The following SIK2 variants were observed in gnomAD, a reference collection of about 807,000 sequenced individuals.
SIK2 encodes serine/threonine-protein kinase SIK2.
In SIK2, 29 loss-of-function variants were observed where a neutral mutation model predicts 103.2. The observed-to-expected ratio is 0.28, with a 90% CI of 0.21 to 0.38. The LOEUF is 0.38. SIK2 is among the 10% of genes least tolerant of loss of function. The pLI, the probability that SIK2 is intolerant of heterozygous loss-of-function variation, is 1.00. For synonymous variants in SIK2, 412 were observed against 446.1 expected, an observed-to-expected ratio of 0.92 and a Z score of 0.96; for missense variants, 879 against 1,171.0, an observed-to-expected ratio of 0.75 and a Z score of 3.64.
In SIK2 at chr11:111,703,428, A is replaced by C. The variant is rs1943263335; in HGVS notation, c.948+5A>C. ...GATCAGCAGAAAACCATTGAGGTAA[A>C]GTGATCAGAGATTTCGGGGTTCTAC... is the stretch of plus-strand genomic sequence containing the variant. On this transcript the variant is annotated splice_donor_5th_base_variant and intron_variant, in intron 7 of 14. Transcript: ENST00000304987. 4.3e-6 allele frequency: 7 copies of C among 1,612,988 alleles called. No individual in the cohort carries two copies. Among genetic ancestry groups the C allele is most frequent in the Non-Finnish European group, 5.9e-6 (7 of 1,179,550 alleles).
Position 111,712,341 on chromosome 11 carries a change from C to T in SIK2, c.1232C>T (p.Ala411Val), listed in dbSNP as rs1186781158. ...GCATCTGGCTGTCAGGCGGAAGCTG[C>T]ATTCATGGAAGAAGAGTGTGTGGAC... ...FPASGCQAEA[A>V]FMEEECVDTP... Residue 411 changes from alanine (A) to valine (V), a missense_variant, in exon 9 of 15, where the codon GCA becomes GTA. Physicochemically the swap from Ala to Val is moderately conservative, Grantham distance 64. Coordinates refer to ENST00000304987, the MANE Select transcript of SIK2 (RefSeq NM_015191.3). 6.2e-6 allele frequency: 10 copies of T among 1,614,184 alleles called. No individual in the cohort carries two copies. Among genetic ancestry groups the T allele is most frequent in the Non-Finnish European group, 8.5e-6 (10 of 1,180,028 alleles).
At chr11:111,610,454 G>T (rs1219512066) in intron 1 of SIK2, among the ~76,000 whole-genome samples, 1 of 148,514 alleles carries the variant, frequency 6.7e-6, no homozygotes, top group Non-Finnish European at 1.5e-5. Context: ...TCGCACCACT[G>T]CACTCCAGCA....
At chr11:111,687,653 T>A (rs961247984) in intron 3 of SIK2, among the ~76,000 whole-genome samples, 2 of 146,606 alleles carry the variant, frequency 1.4e-5, no homozygotes, top group African/African-American at 5.0e-5. Context: ...TCGTCCAGGC[T>A]GGAGGGCAGT....
intron 4 of SIK2, among the ~76,000 whole-genome samples, chr11:111,691,004 T>A (rs1295717201): frequency 6.6e-6 from 1 of 152,226 alleles, no homozygotes; most frequent in Non-Finnish European, 1.5e-5. Context: ...TACAAAGTGC[T>A]GTCACTAACA....
At chr11:111,615,687 T>C (rs761730582) in intron 1 of SIK2, among the ~76,000 whole-genome samples, 4 of 152,230 alleles carry the variant, frequency 2.6e-5, no homozygotes, top group Non-Finnish European at 4.4e-5. Context: ...TTAGTGCAGT[T>C]ACTAACATTT....
rs137989117 is a variant in SIK2, at chr11:111,706,074, T to C, written c.1101+935T>C. On this transcript the variant is annotated intron_variant, in intron 8 of 14. Coordinates refer to ENST00000304987, the MANE Select transcript of SIK2 (RefSeq NM_015191.3). ...CCCAATTCTGCCACTTCCTGCTATGTGACATTTTAAGTTTCTTAAGGTCTT... is the reference window on the plus strand; with the variant it reads ...CCCAATTCTGCCACTTCCTGCTATGCGACATTTTAAGTTTCTTAAGGTCTT... Among the ~76,000 whole-genome samples the C allele has an allele frequency of 8.1e-3, 1,234 of 152,334 alleles. 20 individuals are homozygous for C. Among genetic ancestry groups the C allele is most frequent in the African/African-American group, 0.028 (1,173 of 41,578 alleles).
chr11:111,702,835 A>G (rs181911390), intron 6 of SIK2, among the ~76,000 whole-genome samples: 134 of 152,316 alleles, frequency 8.8e-4, no homozygotes, highest in Non-Finnish European at 1.8e-3. Context: ...TAGCCTTAGT[A>G]TATCAGCATT....
intron 3 of SIK2, among the ~76,000 whole-genome samples, chr11:111,686,699 G>A (rs1942851341): frequency 6.6e-6 from 1 of 152,192 alleles, no homozygotes; most frequent in Admixed American, 6.5e-5. Flanking sequence ...GTAATGTTTA[G>A]TTTTATTGAA....
intron 3 of SIK2, among the ~76,000 whole-genome samples, chr11:111,651,352 A>C (rs1478080067): frequency 6.6e-6 from 1 of 152,234 alleles, no homozygotes; most frequent in Non-Finnish European, 1.5e-5. Flanking sequence ...CTTTGCAGCC[A>C]TAACAAGAAT....
intron 1 of SIK2, among the ~76,000 whole-genome samples, chr11:111,607,604 TAACTC>T (rs1414223559): frequency 6.6e-6 from 1 of 152,198 alleles, no homozygotes; most frequent in East Asian, 1.9e-4. Flanking sequence ...TGTTACCAAA[TAACTC>T]AATCGCTAAT....
At chr11:111,711,954 T>G (rs1423537414) in intron 8 of SIK2, among the ~76,000 whole-genome samples, 5 of 152,250 alleles carry the variant, frequency 3.3e-5, no homozygotes, top group African/African-American at 1.2e-4. Flanking sequence ...TCTCGTCACC[T>G]GCGTGAAAGT....
At position 111,729,851 on chromosome 11, in the gene SIK2, CT is replaced by C. The variant is rs1944125218; in HGVS notation, c.*5725del. Reference sequence around the variant, plus strand: ...ACAAAAACCCCGCAGACCCGCCTGCCTTTCAGCGTCCAGTTAACTGCAGAAG... The same window carrying C: ...ACAAAAACCCCGCAGACCCGCCTGCCTTCAGCGTCCAGTTAACTGCAGAAG... On this transcript the variant is annotated 3_prime_UTR_variant, in exon 15 of 15. Transcript: ENST00000304987. The C allele has an allele frequency of 1.3e-5, 2 of 152,274 alleles. No individual in the cohort carries two copies. Among genetic ancestry groups the C allele is most frequent in the African/African-American group, 4.8e-5 (2 of 41,466 alleles). The allele number at this position is 152,274 out of a possible 1,614,324, so 9.4% of individuals were successfully genotyped here.
chr11:111,713,036 A>G lies in SIK2; in HGVS notation c.1266+661A>G, dbSNP rs1035070434. ...AAAAATTAGCCAGGCGTGGTGGTACACACCTGTAATCTGAGCTACTCAGGA... is the reference window on the plus strand; with the variant it reads ...AAAAATTAGCCAGGCGTGGTGGTACGCACCTGTAATCTGAGCTACTCAGGA... On this transcript the variant is annotated intron_variant, in intron 9 of 14. Coordinates refer to ENST00000304987, the MANE Select transcript of SIK2 (RefSeq NM_015191.3). Among the ~76,000 whole-genome samples the G allele has an allele frequency of 7.9e-5, 12 of 152,124 alleles. 1 individual carries two copies. Among genetic ancestry groups the G allele is most frequent in the African/African-American group, 2.7e-4 (11 of 41,422 alleles).
At chr11:111,665,124 T>C (rs565201055) in intron 3 of SIK2, among the ~76,000 whole-genome samples, 1 of 152,208 alleles carries the variant, frequency 6.6e-6, no homozygotes, top group South Asian at 2.1e-4. Flanking sequence ...TTGGTAGGAT[T>C]TGGTGATGTA....
At chr11:111,666,849 A>T (rs758853808) in intron 3 of SIK2, among the ~76,000 whole-genome samples, 1 of 152,206 alleles carries the variant, frequency 6.6e-6, no homozygotes, top group Non-Finnish European at 1.5e-5. Flanking sequence ...GCAGAAAATT[A>T]TATGAAAATA....
intron 1 of SIK2, among the ~76,000 whole-genome samples, chr11:111,612,951 TGA>T (rs1941749707): frequency 6.8e-6 from 1 of 147,686 alleles, no homozygotes; most frequent in Non-Finnish European, 1.5e-5. Context: ...TATATATTTA[TGA>T]TCATAGGATC....
intron 3 of SIK2, chr11:111,672,342 G>T: frequency 2.0e-6 from 1 of 493,488 alleles, no homozygotes; most frequent in Non-Finnish European, 3.3e-6. Flanking sequence ...AGGAGCAGCT[G>T]CTGAAGGCCA....
chr11:111,616,442 T>C, intron 2 of SIK2, 83 bp downstream of exon 2: 1 of 800,558 alleles, frequency 1.2e-6, no homozygotes. Context: ...CTTATATTTG[T>C]TTTTCTAATC....
At chr11:111,674,373 A>C (rs1555031244) in intron 3 of SIK2, among the ~76,000 whole-genome samples, 1 of 152,200 alleles carries the variant, frequency 6.6e-6, no homozygotes, top group Non-Finnish European at 1.5e-5. Context: ...ACTTGGAGAT[A>C]GGAGGCAGTG....
Sources: gnomAD v4.1 joint callset for allele counts (sites outside exome capture counted in the v4.1 genomes callset) on GRCh38, gnomAD v4.1.1 for gene constraint, MANE v1.5 for transcripts, NCBI Gene and HGNC (gene_info 2026-07-23, HGNC 2026-07-21) for gene names.